The following PALM2AKAP2 variants were observed in gnomAD, a reference collection of about 807,000 sequenced individuals.
PALM2AKAP2 encodes the protein PALM2 and AKAP2 fusion, also known as PALM2-AKAP2 fusion protein.
PALM2AKAP2 carries 37 observed loss-of-function variants against 71.5 expected under a neutral mutation model. That is an observed-to-expected ratio of 0.52 (90% CI 0.40 to 0.68). The LOEUF is 0.68. Among genes scored for constraint, PALM2AKAP2 ranks in the 30% least tolerant of loss-of-function variants. The pLI is 0.00. For synonymous variants in PALM2AKAP2, 468 were observed against 478.8 expected (o/e 0.98, Z 0.29); for missense variants, 1,224 against 1,191.8 (o/e 1.03, Z -0.40).
intron 1 of PALM2AKAP2, among the ~76,000 whole-genome samples, chr9:110,074,554 T>G (rs1014498073): frequency 2.0e-5 from 3 of 152,212 alleles, no homozygotes; most frequent in African/African-American, 4.8e-5. Flanking sequence ...GAAAAAGTCC[T>G]TGTTTTTCAA....
intron 1 of PALM2AKAP2, chr9:109,863,041 G>A (rs1829357367): frequency 1.1e-5 from 5 of 453,260 alleles, no homozygotes; most frequent in Non-Finnish European, 2.2e-5. Context: ...AGACATCCTT[G>A]GTTTTAGGCA....
intron 1 of PALM2AKAP2, among the ~76,000 whole-genome samples, chr9:109,700,869 A>G (rs1479817827): frequency 2.0e-5 from 3 of 152,190 alleles, no homozygotes; most frequent in African/African-American, 7.2e-5. Context: ...TTTAACACCA[A>G]ATAAAATTAG....
intron 1 of PALM2AKAP2, among the ~76,000 whole-genome samples, chr9:109,736,261 T>G (rs1368398416): frequency 6.6e-6 from 1 of 152,174 alleles, no homozygotes; most frequent in East Asian, 1.9e-4. Context: ...AATATATGCA[T>G]GTACGTATAA....
At chr9:109,834,041 C>T (rs184251572) in intron 1 of PALM2AKAP2, among the ~76,000 whole-genome samples, 203 of 152,264 alleles carry the variant, frequency 1.3e-3, no homozygotes, top group Admixed American at 3.3e-3. Context: ...GGTGAAACCC[C>T]GTCTCTACTA....
At chr9:110,049,801 AGCAGGGAGCTGTGGC>A (rs1833674855) in intron 1 of PALM2AKAP2, among the ~76,000 whole-genome samples, 1 of 152,364 alleles carries the variant, frequency 6.6e-6, no homozygotes, top group Non-Finnish European at 1.5e-5. Flanking sequence ...GGAAGCCCGC[AGCAGGGAGCTGTGGC>A]GCTGGTGGCC....
At chr9:109,848,630 A>G (rs1426190059) in intron 1 of PALM2AKAP2, among the ~76,000 whole-genome samples, 1 of 152,032 alleles carries the variant, frequency 6.6e-6, no homozygotes, top group Non-Finnish European at 1.5e-5. Context: ...TATTGTCTAT[A>G]GCTGCTTCTG....
At chr9:110,067,646 G>C (rs534779744) in intron 1 of PALM2AKAP2, among the ~76,000 whole-genome samples, 62 of 152,342 alleles carry the variant, frequency 4.1e-4, no homozygotes, top group Non-Finnish European at 8.2e-4. Context: ...TGAGCTGTAA[G>C]CTGTAAACAT....
intron 1 of PALM2AKAP2, among the ~76,000 whole-genome samples, chr9:110,120,881 G>A (rs934607033): frequency 6.6e-6 from 1 of 152,216 alleles, no homozygotes; most frequent in Admixed American, 6.5e-5. Flanking sequence ...GCAGTGGGGA[G>A]GGCGAAGGCC....
At chr9:110,024,793 A>G in intron 7 of PALM2AKAP2, 1 of 646,830 alleles carries the variant, frequency 1.5e-6, no homozygotes, top group Admixed American at 2.7e-5. Context: ...TCTTAAAAAA[A>G]AAAAAAGATA....
At chr9:109,899,562 C>G (rs1830283312) in intron 3 of PALM2AKAP2, among the ~76,000 whole-genome samples, 1 of 146,942 alleles carries the variant, frequency 6.8e-6, no homozygotes, top group African/African-American at 2.4e-5. Context: ...AACCCTTTAC[C>G]TGTTTTCCTT....
chr9:109,933,075 A>G (rs966837509), intron 6 of PALM2AKAP2, among the ~76,000 whole-genome samples: 18 of 152,236 alleles, frequency 1.2e-4, no homozygotes, highest in Admixed American at 1.1e-3. Context: ...GCATCTCTGT[A>G]AACATCTTAG....
At chr9:110,023,709 C>T (rs911418564) in intron 7 of PALM2AKAP2, among the ~76,000 whole-genome samples, 3 of 149,862 alleles carry the variant, frequency 2.0e-5, no homozygotes, top group South Asian at 2.2e-4. Context: ...CCATAGATGT[C>T]GGGCAGGTGT....
At chr9:109,713,672 G>A (rs1250217823) in intron 1 of PALM2AKAP2, among the ~76,000 whole-genome samples, 1 of 152,154 alleles carries the variant, frequency 6.6e-6, no homozygotes, top group Admixed American at 6.5e-5. Context: ...ACGACATGGT[G>A]TATGACTCCA....
intron 7 of PALM2AKAP2, among the ~76,000 whole-genome samples, chr9:110,018,122 G>C (rs1214079723): frequency 6.6e-6 from 1 of 152,146 alleles, no homozygotes; most frequent in Non-Finnish European, 1.5e-5. Flanking sequence ...CCAGGATCTT[G>C]ACTGAAGTTG....
intron 1 of PALM2AKAP2, among the ~76,000 whole-genome samples, chr9:109,700,859 T>A (rs927667119): frequency 2.6e-5 from 4 of 152,356 alleles, no homozygotes; most frequent in African/African-American, 9.6e-5. Flanking sequence ...AAGTGTTCAT[T>A]TTAACACCAA....
intron 1 of PALM2AKAP2, among the ~76,000 whole-genome samples, chr9:110,077,459 G>A (rs1284295042): frequency 6.8e-6 from 1 of 148,142 alleles, no homozygotes; most frequent in Non-Finnish European, 1.5e-5. Context: ...AGAAACCTTA[G>A]ACAGAAAGCG....
At position 109,717,643 on chromosome 9, in the gene PALM2AKAP2, C is replaced by A. The variant is rs1322277; in HGVS notation, c.6-62845C>A. Among the ~76,000 whole-genome samples the A allele has an allele frequency of 1.6e-4, 24 of 152,128 alleles. No individual in the cohort carries two copies. In the Middle Eastern group the frequency reaches 0.017, roughly 108 times the overall value. On this transcript the variant is annotated intron_variant, in intron 1 of 6. Coordinates refer to the PALM2AKAP2 transcript ENST00000374531. ...AAGCAGAAACAATTATGAAAAGGTG[C>A]GGATAGGCTTTTGAAGGTTGTGTCT...
intron 1 of PALM2AKAP2, among the ~76,000 whole-genome samples, chr9:109,644,781 T>G (rs1007198431): frequency 6.6e-6 from 1 of 152,186 alleles, no homozygotes; most frequent in African/African-American, 2.4e-5. Context: ...AAGGGAAAAA[T>G]GCTGCCAGTT....
chr9:109,936,293 C>T (rs1009070192), intron 6 of PALM2AKAP2, among the ~76,000 whole-genome samples: 1 of 152,188 alleles, frequency 6.6e-6, no homozygotes, highest in Non-Finnish European at 1.5e-5. Flanking sequence ...GCTTTAGTCA[C>T]CCTACTCTGT....
Sources: allele counts gnomAD v4.1 joint callset (sites outside exome capture counted in the v4.1 genomes callset), GRCh38; gene constraint gnomAD v4.1.1; transcripts MANE v1.5; gene names NCBI Gene and HGNC (gene_info 2026-07-23, HGNC 2026-07-21).